PITPNC1: variants seen among roughly 807,000 people sequenced by gnomAD.
PITPNC1 encodes phosphatidylinositol transfer protein cytoplasmic 1, also known as cytoplasmic phosphatidylinositol transfer protein 1.
In PITPNC1, 18 loss-of-function variants were observed where a neutral mutation model predicts 44.7. That is an observed-to-expected ratio of 0.40 (90% CI 0.28 to 0.60). PITPNC1 has a LOEUF of 0.60. Among genes scored for constraint, PITPNC1 ranks in the 20% least tolerant of loss-of-function variants. The probability of loss-of-function intolerance (pLI) is 0.39; values close to 1 mark genes in which losing one functional copy is unlikely to be tolerated. For missense variants in PITPNC1, 290 were observed against 418.4 expected (o/e 0.69, Z 2.68); for synonymous variants, 141 against 149.6 (o/e 0.94, Z 0.42).
intron 1 of PITPNC1, among the ~76,000 whole-genome samples, chr17:67,386,015 C>G (rs896734351): frequency 4.6e-5 from 7 of 152,072 alleles, no homozygotes; most frequent in African/African-American, 1.7e-4. Context: ...TTTGCTTTTT[C>G]TTATTGTGAT....
chr17:67,673,796 C>G (rs2042552096), intron 7 of PITPNC1, among the ~76,000 whole-genome samples: 1 of 151,410 alleles, frequency 6.6e-6, no homozygotes, highest in South Asian at 2.1e-4. Flanking sequence ...TAAAAAAATA[C>G]AAAAATTAGC....
Position 67,676,208 on chromosome 17 carries a change from GAAAAAAA to G in PITPNC1, c.682+674_682+680del, listed in dbSNP as rs74446011. On this transcript the variant is annotated intron_variant, in intron 8 of 8. Transcript: ENST00000581322. The surrounding 1 kb of genome is among the most constrained non-coding windows in gnomAD (Gnocchi z 4.0). ...GGGGACAGAGCGAGACTCCGTCTCGGAAAAAAAAAAAAAAGAAAGAAAGAAACTACCC... is the reference window on the plus strand; with the variant it reads ...GGGGACAGAGCGAGACTCCGTCTCGGAAAAAAAGAAAGAAAGAAACTACCC... Among the ~76,000 whole-genome samples the G allele has an allele frequency of 1.6e-5, 2 of 126,886 alleles. No individual in the cohort carries two copies. Among genetic ancestry groups the G allele is most frequent in the Non-Finnish European group, 3.4e-5 (2 of 58,992 alleles). The allele number at this position is 126,886 out of a possible 152,430, so 83.2% of individuals were successfully genotyped here.
At position 67,693,311 on chromosome 17, in the gene PITPNC1, A is replaced by T. The variant is rs1198561524; in HGVS notation, c.*423A>T. ...AAATACTCTCAGGCATAACATACTTAGCTGTTAAATTTTGAACTGCTAATT... is the reference window on the plus strand; with the variant it reads ...AAATACTCTCAGGCATAACATACTTTGCTGTTAAATTTTGAACTGCTAATT... On this transcript the variant is annotated 3_prime_UTR_variant, in exon 9 of 9. Transcript: ENST00000581322. 6.4e-6 allele frequency: 1 copy of T among 156,874 alleles called. No individual in the cohort carries two copies. The highest frequency in any genetic ancestry group is 1.4e-5 in the Non-Finnish European group (1 of 71,110). 9.7% of individuals were successfully genotyped at this position (156,874 alleles called of 1,614,324 possible).
At chr17:67,516,596 G>A (rs973904214) in intron 1 of PITPNC1, among the ~76,000 whole-genome samples, 1 of 152,096 alleles carries the variant, frequency 6.6e-6, no homozygotes, top group Non-Finnish European at 1.5e-5. Flanking sequence ...GAGCTTGCTT[G>A]CAGGCAGTGA....
intron 5 of PITPNC1, among the ~76,000 whole-genome samples, chr17:67,629,696 T>G (rs2041942239): frequency 6.6e-6 from 1 of 152,234 alleles, no homozygotes; most frequent in African/African-American, 2.4e-5. Context: ...TGAGACCCAG[T>G]ATTTTATTTC....
intron 4 of PITPNC1, among the ~76,000 whole-genome samples, chr17:67,568,448 A>G (rs2041010315): frequency 6.6e-6 from 1 of 152,224 alleles, no homozygotes; most frequent in Admixed American, 6.5e-5. Context: ...AACTCTGAAT[A>G]TACTGAACAC....
At chr17:67,542,019 G>A (rs1052177214) in intron 2 of PITPNC1, among the ~76,000 whole-genome samples, 1 of 152,200 alleles carries the variant, frequency 6.6e-6, no homozygotes, top group Non-Finnish European at 1.5e-5. Flanking sequence ...CTAATAGGCG[G>A]TTGAACATAT....
At chr17:67,569,862 T>A in intron 4 of PITPNC1, among the ~76,000 whole-genome samples, 1 of 152,146 alleles carries the variant, frequency 6.6e-6, no homozygotes, top group East Asian at 1.9e-4. Flanking sequence ...TTATTCTCCC[T>A]GCCAAGCTGT....
rs1598885973 is a variant in PITPNC1, at chr17:67,612,601, C to T, written c.367-19542C>T. ...ACCATAAACTGATATGTTCCAGGAG[C>T]ATTGAAGAAAGCTTCCTAGCATATT... On this transcript the variant is annotated intron_variant, in intron 5 of 8. Transcript: ENST00000581322. 4 of 152,234 alleles carry T rather than the reference C, an allele frequency of 2.6e-5. 1 individual carries two copies. The highest frequency in any genetic ancestry group is 4.1e-4 in the South Asian group (2 of 4,820). 9.4% of individuals were successfully genotyped at this position (152,234 alleles called of 1,614,324 possible).
At chr17:67,434,618 C>A (rs1469314660) in intron 1 of PITPNC1, among the ~76,000 whole-genome samples, 1 of 152,038 alleles carries the variant, frequency 6.6e-6, no homozygotes, top group African/African-American at 2.4e-5. Flanking sequence ...CAAGACCAGC[C>A]TGGCCAACAT....
intron 1 of PITPNC1, among the ~76,000 whole-genome samples, chr17:67,416,701 C>T (rs1013121045): frequency 2.0e-5 from 3 of 152,180 alleles, no homozygotes; most frequent in African/African-American, 7.2e-5. Context: ...TGCTGAACCA[C>T]GTTCCTCTTT....
At chr17:67,481,778 A>T (rs557176476) in intron 1 of PITPNC1, among the ~76,000 whole-genome samples, 50 of 57,476 alleles carry the variant, frequency 8.7e-4, no homozygotes, top group African/African-American at 2.8e-3. Flanking sequence ...TTGAAGATTT[A>T]AAAAAAAAAA....
rs376843082 is a variant in PITPNC1 at position 67,489,499 on chromosome 17, T to G, written c.49-43303T>G. On this transcript the variant is annotated intron_variant, in intron 1 of 8. Coordinates refer to ENST00000581322, the MANE Select transcript of PITPNC1 (RefSeq NM_012417.4). The stretch of plus-strand genomic sequence containing the variant: ...CCTCAAGTCTGGTAAATCAATGATG[T>G]TTCATGTTAGCTGCTCACGGGATTC... Among the ~76,000 whole-genome samples, 8 of 152,290 alleles carry G rather than the reference T, an allele frequency of 5.3e-5. No homozygotes were observed. The East Asian group carries it at 7.7e-4, about 15-fold the overall frequency.
intron 5 of PITPNC1, among the ~76,000 whole-genome samples, chr17:67,629,604 G>A (rs985791227): frequency 2.6e-5 from 4 of 152,214 alleles, no homozygotes; most frequent in Admixed American, 1.3e-4. Flanking sequence ...TGAGGCATGT[G>A]TCTCTCTTCT....
At chr17:67,596,043 TTTA>T (rs1568057797) in intron 5 of PITPNC1, among the ~76,000 whole-genome samples, 2 of 152,232 alleles carry the variant, frequency 1.3e-5, no homozygotes, top group Non-Finnish European at 2.9e-5. Flanking sequence ...GCTGAAACAT[TTTA>T]TTATCATTCC....
At chr17:67,578,643 G>A (rs1172572405) in intron 5 of PITPNC1, among the ~76,000 whole-genome samples, 1 of 152,178 alleles carries the variant, frequency 6.6e-6, no homozygotes, top group Non-Finnish European at 1.5e-5. Flanking sequence ...TCAAAGATAT[G>A]TGTACACAGA....
intron 1 of PITPNC1, among the ~76,000 whole-genome samples, chr17:67,472,359 A>AAAG (rs1431584710): frequency 1.1e-4 from 13 of 117,800 alleles, no homozygotes; most frequent in Non-Finnish European, 1.9e-4. Flanking sequence ...AAAAAAAAAA[A>AAAG]AAAAAGGACC....
intron 1 of PITPNC1, among the ~76,000 whole-genome samples, chr17:67,527,182 C>T (rs2040401158): frequency 6.6e-6 from 1 of 150,806 alleles, no homozygotes; most frequent in Non-Finnish European, 1.5e-5. Context: ...CTTTCTGCCA[C>T]CTCCCTCCCC....
At chr17:67,436,923 T>TG (rs1010222767) in intron 1 of PITPNC1, among the ~76,000 whole-genome samples, 1 of 137,330 alleles carries the variant, frequency 7.3e-6, no homozygotes, top group Admixed American at 7.3e-5. Context: ...TTTTTTTTTT[T>TG]TTTTTTTTTT....
Sources: allele counts gnomAD v4.1 joint callset (sites outside exome capture counted in the v4.1 genomes callset), GRCh38; gene constraint gnomAD v4.1.1; non-coding constraint Gnocchi (gnomAD v3.1); transcripts MANE v1.5; gene names NCBI Gene and HGNC (gene_info 2026-07-23, HGNC 2026-07-21).